The following SGPP2 variants were observed in gnomAD, a reference collection of about 807,000 sequenced individuals.
The protein encoded by SGPP2 is sphingosine-1-phosphate phosphatase 2.
A neutral mutation model predicts 33.9 loss-of-function variants in SGPP2; 30 were observed. That is an observed-to-expected ratio of 0.89 (90% CI 0.66 to 1.20). The LOEUF (loss-of-function observed/expected upper bound fraction) is 1.20, where lower values mean the gene tolerates loss of function less well. SGPP2 is among the 50% of genes most tolerant of loss of function. The pLI is 0.00. For missense variants in SGPP2, 458 were observed against 532.1 expected, an observed-to-expected ratio of 0.86 and a Z score of 1.37; for synonymous variants, 233 against 225.0, an observed-to-expected ratio of 1.04 and a Z score of -0.32.
intron 4 of SGPP2, among the ~76,000 whole-genome samples, chr2:222,539,988 G>A (rs942770080): frequency 5.9e-5 from 9 of 152,118 alleles, no homozygotes; most frequent in Admixed American, 2.0e-4. Context: ...AGACAAGAAT[G>A]TGAATTTCCT....
At chr2:222,529,861 C>T (rs1431054886) in intron 4 of SGPP2, among the ~76,000 whole-genome samples, 1 of 152,186 alleles carries the variant, frequency 6.6e-6, no homozygotes, top group Non-Finnish European at 1.5e-5. Flanking sequence ...AGAGGAATCA[C>T]TATCTATGGT....
chr2:222,521,623 C>A, intron 2 of SGPP2, 144 bp from the exon 3 acceptor site: 1 of 792,356 alleles, frequency 1.3e-6, no homozygotes, highest in Non-Finnish European at 1.9e-6. Flanking sequence ...AAATATCCTA[C>A]AAGACTTTGC....
chr2:222,495,429 A>T (rs975034727), intron 2 of SGPP2, among the ~76,000 whole-genome samples: 3 of 151,340 alleles, frequency 2.0e-5, no homozygotes, highest in Admixed American at 6.6e-5. Flanking sequence ...AATAAAAATT[A>T]AAAAAAAATC....
At chr2:222,496,208 A>C (rs1698277869) in intron 2 of SGPP2, among the ~76,000 whole-genome samples, 1 of 152,232 alleles carries the variant, frequency 6.6e-6, no homozygotes, top group Non-Finnish European at 1.5e-5. Context: ...GCCTGTGGAG[A>C]TGTCTGTTAA....
intron 2 of SGPP2, among the ~76,000 whole-genome samples, chr2:222,475,230 C>T (rs561675863): frequency 4.6e-5 from 7 of 152,050 alleles, no homozygotes; most frequent in Non-Finnish European, 8.8e-5. Context: ...CCACCACACG[C>T]GGTTATTTTG....
At chr2:222,470,562 A>G (rs1340535309) in intron 1 of SGPP2, among the ~76,000 whole-genome samples, 7 of 152,170 alleles carry the variant, frequency 4.6e-5, no homozygotes, top group Non-Finnish European at 7.4e-5. Context: ...TTAGTTAGTG[A>G]TATGTAGCAC....
chr2:222,428,447 C>T (rs576857315), intron 1 of SGPP2, among the ~76,000 whole-genome samples: 34 of 152,338 alleles, frequency 2.2e-4, no homozygotes, highest in African/African-American at 7.2e-4. Flanking sequence ...CCTTCCTCAG[C>T]AGTACATTAG....
chr2:222,464,526 A>C (rs1697714660), intron 1 of SGPP2, among the ~76,000 whole-genome samples: 1 of 152,194 alleles, frequency 6.6e-6, no homozygotes, highest in African/African-American at 2.4e-5. Context: ...TCTATTGCCC[A>C]TGCTGGAGTG....
At chr2:222,546,774 C>T (rs1436788) in intron 4 of SGPP2, among the ~76,000 whole-genome samples, 57,087 of 148,676 alleles carry the variant, frequency 0.38, 11,127 homozygotes, top group South Asian at 0.49. Flanking sequence ...CTTTCAAAGA[C>T]GACAAAAGCA....
chr2:222,443,190 TA>T lies in SGPP2; in HGVS notation c.219+18370del, dbSNP rs1449700420. Among the ~76,000 whole-genome samples the T allele has an allele frequency of 5.3e-5, 8 of 152,334 alleles. No homozygotes were observed. In the East Asian group the frequency reaches 1.3e-3, roughly 26 times the overall value. The stretch of plus-strand genomic sequence containing the variant: ...TCTCGGCTTTGCCCTATGAATCATA[TA>T]TTTTTTTTAATTTCAGCTTTATTTT... On this transcript the variant is annotated intron_variant, in intron 1 of 4. Coordinates refer to ENST00000321276, the MANE Select transcript of SGPP2 (RefSeq NM_152386.4).
intron 2 of SGPP2, among the ~76,000 whole-genome samples, chr2:222,480,492 G>T (rs894160151): frequency 1.2e-4 from 18 of 152,232 alleles, no homozygotes; most frequent in African/African-American, 4.3e-4. Context: ...CTAAAGTGAA[G>T]TGTGGCATGC....
At chr2:222,524,902 G>A in intron 3 of SGPP2, 42 bp from the exon 4 acceptor site, 3 of 1,460,900 alleles carry the variant, frequency 2.1e-6, no homozygotes, top group Non-Finnish European at 2.9e-6. Context: ...ATGTATGTCT[G>A]AGTGTGATCT....
intron 2 of SGPP2, among the ~76,000 whole-genome samples, chr2:222,490,503 A>G (rs1033376134): frequency 6.6e-6 from 1 of 152,098 alleles, no homozygotes; most frequent in Non-Finnish European, 1.5e-5. Context: ...ATCACAGGTC[A>G]CTGCAAGCTA....
At chr2:222,496,863 C>G (rs1211850466) in intron 2 of SGPP2, among the ~76,000 whole-genome samples, 1 of 152,142 alleles carries the variant, frequency 6.6e-6, no homozygotes, top group Non-Finnish European at 1.5e-5. Flanking sequence ...CTTCTTGAAC[C>G]TGGCATCTGG....
intron 1 of SGPP2, among the ~76,000 whole-genome samples, chr2:222,435,143 G>C (rs1697221095): frequency 6.6e-6 from 1 of 151,154 alleles, no homozygotes; most frequent in East Asian, 1.9e-4. Context: ...CCCACAATAG[G>C]CCTTCTGCAG....
chr2:222,445,550 GT>G (rs1295730213), intron 1 of SGPP2, among the ~76,000 whole-genome samples: 1 of 152,156 alleles, frequency 6.6e-6, no homozygotes, highest in African/African-American at 2.4e-5. Flanking sequence ...AATAGCCATG[GT>G]TCCTGAGGGA....
At chr2:222,531,669 G>A (rs1478363967) in intron 4 of SGPP2, among the ~76,000 whole-genome samples, 1 of 152,120 alleles carries the variant, frequency 6.6e-6, no homozygotes, top group Non-Finnish European at 1.5e-5. Context: ...AATAGTTAAG[G>A]TGGTGAATTT....
intron 2 of SGPP2, among the ~76,000 whole-genome samples, chr2:222,517,700 C>T (rs1698626277): frequency 1.3e-5 from 2 of 152,212 alleles, no homozygotes; most frequent in Admixed American, 1.3e-4. Flanking sequence ...CATCCCTAGA[C>T]TCCTAACGTG....
At position 222,424,749 on chromosome 2, in the gene SGPP2, G is replaced by A. The variant is rs1401885910; in HGVS notation, c.147G>A (p.Glu49=). ...TERAARVPGV[E]HLPAANGKGG... ...GCGCGGCGCGGGTCCCCGGGGTCGA[G>A]CATCTCCCCGCAGCCAACGGCAAGG... Residue 49 remains glutamate (E), a synonymous_variant, in exon 1 of 5, where the codon GAG becomes GAA. Transcript: ENST00000321276. 1 of 1,417,308 alleles carries A rather than the reference G, an allele frequency of 7.1e-7. No homozygotes were observed. The highest frequency in any genetic ancestry group is 9.2e-7 in the Non-Finnish European group (1 of 1,087,374). 87.8% of individuals were successfully genotyped at this position (1,417,308 alleles called of 1,614,324 possible).
Sources: gnomAD v4.1 joint callset for allele counts (sites outside exome capture counted in the v4.1 genomes callset) on GRCh38, gnomAD v4.1.1 for gene constraint, MANE v1.5 for transcripts, NCBI Gene and HGNC (gene_info 2026-07-23, HGNC 2026-07-21) for gene names.